Variants in RRAS2 observed in about 807,000 individuals in gnomAD.
RRAS2 encodes the protein ras-related protein R-Ras2.
RRAS2 carries 7 observed loss-of-function variants against 27.6 expected under a neutral mutation model. The ratio of observed to expected loss-of-function variants is 0.25; its 90% CI spans 0.14 to 0.48. The LOEUF (loss-of-function observed/expected upper bound fraction) is 0.48, where lower values mean the gene tolerates loss of function less well. Among genes scored for constraint, RRAS2 ranks in the 20% least tolerant of loss-of-function variants. RRAS2 has a pLI of 0.99. For synonymous variants in RRAS2, 86 were observed against 90.9 expected, an observed-to-expected ratio of 0.95 and a Z score of 0.31; for missense variants, 178 against 256.2, an observed-to-expected ratio of 0.69 and a Z score of 2.08.
chr11:14,295,481 C>A (rs1270163763), intron 2 of RRAS2, among the ~76,000 whole-genome samples: 2 of 152,158 alleles, frequency 1.3e-5, no homozygotes, highest in Non-Finnish European at 2.9e-5. Context: ...GAGTTGAGAC[C>A]TGACAGGTTT....
chr11:14,302,064 C>CCGCACACATACACA (rs1847720834), intron 1 of RRAS2, among the ~76,000 whole-genome samples: 1 of 51,820 alleles, frequency 1.9e-5, no homozygotes, highest in Non-Finnish European at 4.0e-5. Flanking sequence ...AGTAAATGTA[C>CCGCACACATACACA]CACACACATA....
chr11:14,311,601 G>C (rs980884367), intron 1 of RRAS2, among the ~76,000 whole-genome samples: 1 of 151,616 alleles, frequency 6.6e-6, no homozygotes, highest in Non-Finnish European at 1.5e-5. Context: ...TCCTGATCTC[G>C]GGTGATCCGC....
chr11:14,289,288 G>A (rs1313173746), intron 4 of RRAS2, among the ~76,000 whole-genome samples: 1 of 151,918 alleles, frequency 6.6e-6, no homozygotes, highest in Non-Finnish European at 1.5e-5. Flanking sequence ...TAAAAGGAGG[G>A]GAAAAAGAGG....
intron 1 of RRAS2, among the ~76,000 whole-genome samples, chr11:14,334,266 G>A (rs1409849775): frequency 2.0e-5 from 3 of 152,066 alleles, no homozygotes; most frequent in East Asian, 1.9e-4. Context: ...TTTAAAAATC[G>A]TTTATTGTTT....
chr11:14,347,319 T>C (rs1387098874), intron 1 of RRAS2, among the ~76,000 whole-genome samples: 2 of 152,228 alleles, frequency 1.3e-5, no homozygotes, highest in South Asian at 2.1e-4. Context: ...ACTATTGTAA[T>C]TGTAATAACA....
chr11:14,322,831 A>C (rs1554950465), intron 1 of RRAS2, among the ~76,000 whole-genome samples: 1 of 152,256 alleles, frequency 6.6e-6, no homozygotes, highest in African/African-American at 2.4e-5. Flanking sequence ...GAGGCTATAA[A>C]AAATGACCAT....
chr11:14,297,090 CTT>C (rs1373206402), intron 1 of RRAS2, among the ~76,000 whole-genome samples: 1 of 152,178 alleles, frequency 6.6e-6, no homozygotes, highest in Non-Finnish European at 1.5e-5. Context: ...GCATTTCCCT[CTT>C]CTTACAGAAG....
chr11:14,311,434 TCGGCTCA>T (rs1554948838), intron 1 of RRAS2, among the ~76,000 whole-genome samples: 2 of 152,314 alleles, frequency 1.3e-5, no homozygotes, highest in East Asian at 3.9e-4. Flanking sequence ...TGGCACAATC[TCGGCTCA>T]CTGCAACCTC....
At chr11:14,348,387 T>G (rs908724380) in intron 1 of RRAS2, among the ~76,000 whole-genome samples, 2 of 152,176 alleles carry the variant, frequency 1.3e-5, no homozygotes, top group Non-Finnish European at 2.9e-5. Context: ...CACATACTAG[T>G]TTTAACATCC....
chr11:14,283,598 CTGATAT>C (rs1487915298), intron 4 of RRAS2, among the ~76,000 whole-genome samples: 2 of 152,102 alleles, frequency 1.3e-5, no homozygotes, highest in South Asian at 2.1e-4. Context: ...TAAAGTACTA[CTGATAT>C]TATCTTTTTT....
rs375964598 is a variant in RRAS2 at position 14,358,758 on chromosome 11, G to A, written c.108+5C>T. 9.5e-5 allele frequency: 134 copies of A among 1,415,210 alleles called. No individual in the cohort carries two copies. In the African/African-American group the frequency reaches 1.8e-3, roughly 19 times the overall value. The allele number at this position is 1,415,210 out of a possible 1,614,324, so 87.7% of individuals were successfully genotyped here. ...CGGCGCCCCGGGCAGGCCCGCTCCA[G>A]GTACCTGGATGAACTGGATGGTGAG... On this transcript the variant is annotated splice_donor_5th_base_variant and intron_variant, in intron 1 of 5. Transcript: ENST00000256196. The surrounding 1 kb of genome is among the most constrained non-coding windows in gnomAD (Gnocchi z 5.1).
chr11:14,301,169 G>A (rs1554947328), intron 1 of RRAS2, among the ~76,000 whole-genome samples: 2 of 152,200 alleles, frequency 1.3e-5, no homozygotes, highest in Admixed American at 1.3e-4. Flanking sequence ...ATAAACAAGT[G>A]TAGGAAAACC....
At chr11:14,327,181 A>T (rs2134005079) in intron 1 of RRAS2, among the ~76,000 whole-genome samples, 1 of 152,386 alleles carries the variant, frequency 6.6e-6, no homozygotes, top group South Asian at 2.1e-4. Flanking sequence ...ATTAAAATTA[A>T]ATCAAAACAA....
Position 14,358,236 on chromosome 11 carries a change from A to T in RRAS2, c.108+527T>A. On this transcript the variant is annotated intron_variant, in intron 1 of 5. Coordinates refer to ENST00000256196, the MANE Select transcript of RRAS2 (RefSeq NM_012250.6). The surrounding 1 kb of genome is among the most constrained non-coding windows in gnomAD (Gnocchi z 5.1). ...TACTTATAAAAAGAGCGTAACACAC[A>T]CACAAAGAAATACACAGTACTTGAA... The T allele has an allele frequency of 1.0e-6, 1 of 985,462 alleles. No homozygotes were observed. Among genetic ancestry groups the T allele is most frequent in the Non-Finnish European group, 1.2e-6 (1 of 829,946 alleles). 61.0% of individuals were successfully genotyped at this position (985,462 alleles called of 1,614,324 possible).
intron 1 of RRAS2, among the ~76,000 whole-genome samples, chr11:14,340,382 T>A (rs1046934815): frequency 2.6e-5 from 4 of 151,758 alleles, no homozygotes; most frequent in African/African-American, 9.7e-5. Context: ...ATTACAGGAG[T>A]GAGCCACCGC....
At chr11:14,314,974 T>C (rs1848064096) in intron 1 of RRAS2, among the ~76,000 whole-genome samples, 1 of 152,226 alleles carries the variant, frequency 6.6e-6, no homozygotes, top group Admixed American at 6.5e-5. Flanking sequence ...GGAGCCACCA[T>C]GCCCAGCCAA....
chr11:14,299,630 G>A (rs781846009), intron 1 of RRAS2, among the ~76,000 whole-genome samples: 1 of 152,094 alleles, frequency 6.6e-6, no homozygotes, highest in Non-Finnish European at 1.5e-5. Flanking sequence ...AATTGTCCTT[G>A]CTCTCTTGAT....
chr11:14,348,825 AAG>A (rs1848890371), intron 1 of RRAS2, among the ~76,000 whole-genome samples: 1 of 152,214 alleles, frequency 6.6e-6, no homozygotes, highest in Non-Finnish European at 1.5e-5. Context: ...TTTAGAAACC[AAG>A]ATCTAGTGCT....
chr11:14,302,492 C>CT (rs1341418486), intron 1 of RRAS2, among the ~76,000 whole-genome samples: 67 of 152,284 alleles, frequency 4.4e-4, no homozygotes, highest in African/African-American at 1.6e-3. Context: ...CTTGGGTAAA[C>CT]TAACACATCT....
Sources: allele counts gnomAD v4.1 joint callset (sites outside exome capture counted in the v4.1 genomes callset), GRCh38; gene constraint gnomAD v4.1.1; non-coding constraint Gnocchi (gnomAD v3.1); transcripts MANE v1.5; gene names NCBI Gene and HGNC (gene_info 2026-07-23, HGNC 2026-07-21).